PAM: variants seen among roughly 807,000 people sequenced by gnomAD.
The protein encoded by PAM is peptidylglycine alpha-amidating monooxygenase, also known as peptidyl-glycine alpha-amidating monooxygenase.
A neutral mutation model predicts 122.1 loss-of-function variants in PAM; 72 were observed. That is an observed-to-expected ratio of 0.59 (90% CI 0.49 to 0.72). The LOEUF is 0.72. PAM is among the 30% of genes least tolerant of loss of function. PAM has a pLI of 0.00. For missense variants in PAM, 1,106 were observed against 1,183.7 expected, an observed-to-expected ratio of 0.93 and a Z score of 0.96; for synonymous variants, 389 against 404.4, an observed-to-expected ratio of 0.96 and a Z score of 0.46.
intron 1 of PAM, among the ~76,000 whole-genome samples, chr5:102,850,479 C>A (rs1781086088): frequency 6.6e-6 from 1 of 152,078 alleles, no homozygotes. Context: ...AAATTTAAGT[C>A]CCTATTAGAG....
chr5:102,796,603 A>T (rs184242015), intron 1 of PAM, among the ~76,000 whole-genome samples: 1 of 152,146 alleles, frequency 6.6e-6, no homozygotes, highest in Non-Finnish European at 1.5e-5. Flanking sequence ...TGTGAAAGAG[A>T]AAGCATTTCT....
At chr5:102,809,111 A>G (rs1767085646) in intron 1 of PAM, among the ~76,000 whole-genome samples, 1 of 152,196 alleles carries the variant, frequency 6.6e-6, no homozygotes, top group African/African-American at 2.4e-5. Flanking sequence ...GTTCCTCTCT[A>G]TCAGCCTCCT....
intron 23 of PAM, among the ~76,000 whole-genome samples, chr5:103,023,820 A>G (rs975088860): frequency 8.5e-5 from 13 of 152,266 alleles, no homozygotes; most frequent in South Asian, 4.1e-4. Flanking sequence ...CAATGGTGTA[A>G]GTACTCAATA....
intron 16 of PAM, among the ~76,000 whole-genome samples, chr5:102,994,107 G>A (rs1774967608): frequency 6.6e-6 from 1 of 152,076 alleles, no homozygotes; most frequent in Non-Finnish European, 1.5e-5. Flanking sequence ...AAAACAGCAA[G>A]TGTCCATCAA....
intron 1 of PAM, among the ~76,000 whole-genome samples, chr5:102,862,815 T>G (rs1348150233): frequency 6.6e-6 from 1 of 152,198 alleles, no homozygotes; most frequent in East Asian, 1.9e-4. Context: ...GGTTAGGTAC[T>G]TGTCTAGTTT....
intron 15 of PAM, chr5:102,987,375 C>T (rs1424400059): frequency 3.2e-6 from 1 of 315,472 alleles, no homozygotes; most frequent in African/African-American, 2.2e-5. Flanking sequence ...ATGATAGTTA[C>T]CAGAGCCTGG....
intron 16 of PAM, among the ~76,000 whole-genome samples, chr5:103,000,815 G>T (rs546436113): frequency 2.0e-5 from 3 of 152,150 alleles, no homozygotes; most frequent in Non-Finnish European, 4.4e-5. Context: ...CAGCAGAAAG[G>T]GGGTAACCAC....
At chr5:102,917,170 T>C (rs1432828542) in intron 5 of PAM, among the ~76,000 whole-genome samples, 1 of 152,198 alleles carries the variant, frequency 6.6e-6, no homozygotes, top group Non-Finnish European at 1.5e-5. Context: ...GAAACATCTT[T>C]CACTCCCCAC....
intron 15 of PAM, chr5:102,987,600 G>C (rs755366576): frequency 4.5e-6 from 2 of 445,436 alleles, no homozygotes; most frequent in Non-Finnish European, 9.0e-6. Context: ...ACCCTGATTT[G>C]ATCATGCTTG....
chr5:103,013,387 G>A (rs1044720737), intron 21 of PAM, among the ~76,000 whole-genome samples: 1 of 152,030 alleles, frequency 6.6e-6, no homozygotes, highest in Non-Finnish European at 1.5e-5. Flanking sequence ...ATATAAAAAT[G>A]CTACTGATAT....
intron 1 of PAM, among the ~76,000 whole-genome samples, chr5:102,828,457 G>A (rs182644265): frequency 2.0e-5 from 3 of 152,236 alleles, no homozygotes; most frequent in Admixed American, 6.5e-5. Context: ...GGCTGTGTCT[G>A]TGCTATAGGG....
At chr5:102,971,054 G>A (rs1471703076) in intron 14 of PAM, among the ~76,000 whole-genome samples, 6 of 152,126 alleles carry the variant, frequency 3.9e-5, no homozygotes, top group East Asian at 1.9e-4. Flanking sequence ...TAATCCGCCC[G>A]CCTTGGCTTC....
chr5:102,913,166 G>A (rs1801959127), intron 4 of PAM, among the ~76,000 whole-genome samples: 1 of 152,046 alleles, frequency 6.6e-6, no homozygotes, highest in Admixed American at 6.6e-5. Flanking sequence ...ACAGCATTTT[G>A]ATGAGAACGC....
chr5:102,859,736 T>C (rs1443700778), intron 1 of PAM, among the ~76,000 whole-genome samples: 1 of 152,228 alleles, frequency 6.6e-6, no homozygotes, highest in African/African-American at 2.4e-5. Context: ...CTTCCAGTCC[T>C]GAAGCTCCAT....
At chr5:102,843,067 G>A (rs1350561691) in intron 1 of PAM, among the ~76,000 whole-genome samples, 1 of 152,100 alleles carries the variant, frequency 6.6e-6, no homozygotes, top group Non-Finnish European at 1.5e-5. Flanking sequence ...TTGATCAGTG[G>A]TACTGTTGTA....
chr5:102,807,597 A>C (rs2150154436), intron 1 of PAM, among the ~76,000 whole-genome samples: 1 of 152,332 alleles, frequency 6.6e-6, no homozygotes, highest in South Asian at 2.1e-4. Context: ...GGAGATAAAT[A>C]GACTGGGCAG....
chr5:102,985,482 AAATT>A (rs2150680048), intron 15 of PAM, among the ~76,000 whole-genome samples: 1 of 152,186 alleles, frequency 6.6e-6, no homozygotes, highest in East Asian at 1.9e-4. Context: ...GTATGCTAAT[AAATT>A]AGAAAACCTA....
At chr5:103,026,175 TAAAC>T (rs1784888925) in intron 24 of PAM, among the ~76,000 whole-genome samples, 2 of 152,132 alleles carry the variant, frequency 1.3e-5, no homozygotes, top group Non-Finnish European at 2.9e-5. Flanking sequence ...TCTAAATAAA[TAAAC>T]AACCCAATTC....
chr5:102,849,600 AG>A (rs1780864163), intron 1 of PAM, among the ~76,000 whole-genome samples: 2 of 152,048 alleles, frequency 1.3e-5, no homozygotes, highest in Admixed American at 1.3e-4. Flanking sequence ...GCATAAGTAA[AG>A]GTAACAATCA....
Sources: gnomAD v4.1 joint callset for allele counts (sites outside exome capture counted in the v4.1 genomes callset) on GRCh38, gnomAD v4.1.1 for gene constraint, MANE v1.5 for transcripts, NCBI Gene and HGNC (gene_info 2026-07-23, HGNC 2026-07-21) for gene names.